The following AK8 variants were observed in gnomAD, a reference collection of about 807,000 sequenced individuals.
AK8 encodes ATP-AMP transphosphorylase 8.
In AK8, 44 loss-of-function variants were observed where a neutral mutation model predicts 54.6. The ratio of observed to expected loss-of-function variants is 0.81; its 90% CI spans 0.63 to 1.04. The LOEUF (loss-of-function observed/expected upper bound fraction) is 1.04. Ranked by LOEUF, AK8 falls within the 50% of genes least tolerant of loss-of-function variation. The pLI, the probability that AK8 is intolerant of heterozygous loss-of-function variation, is 0.00. For synonymous variants in AK8, 239 were observed against 245.6 expected (o/e 0.97, Z 0.25); for missense variants, 555 against 613.6 (o/e 0.90, Z 1.01).
At chr9:132,746,548 G>C (rs1837661653) in intron 11 of AK8, among the ~76,000 whole-genome samples, 1 of 152,208 alleles carries the variant, frequency 6.6e-6, no homozygotes, top group Admixed American at 6.5e-5. Flanking sequence ...AATTTAGTTA[G>C]CCAATACTAT....
chr9:132,745,150 T>C (rs2130991364), intron 11 of AK8, among the ~76,000 whole-genome samples: 1 of 152,336 alleles, frequency 6.6e-6, no homozygotes, highest in East Asian at 1.9e-4. Flanking sequence ...AACGAATTAA[T>C]GAGCGAGATA....
intron 11 of AK8, among the ~76,000 whole-genome samples, chr9:132,764,254 G>A (rs945984630): frequency 6.6e-6 from 1 of 152,112 alleles, no homozygotes; most frequent in Non-Finnish European, 1.5e-5. Context: ...ACGTTGCAGT[G>A]AGCTGAGATC....
intron 3 of AK8, among the ~76,000 whole-genome samples, chr9:132,866,431 A>C (rs1843600988): frequency 6.6e-6 from 1 of 152,196 alleles, no homozygotes; most frequent in Non-Finnish European, 1.5e-5. Context: ...ATTTGCATAA[A>C]ATCTGGGAGT....
At chr9:132,808,147 G>T (rs1378544122) in intron 10 of AK8, among the ~76,000 whole-genome samples, 1 of 152,108 alleles carries the variant, frequency 6.6e-6, no homozygotes, top group African/African-American at 2.4e-5. Flanking sequence ...TTTTGTACTA[G>T]TGTAAAAGTG....
At chr9:132,877,504 T>A (rs887122138) in intron 1 of AK8, among the ~76,000 whole-genome samples, 3 of 152,096 alleles carry the variant, frequency 2.0e-5, no homozygotes, top group African/African-American at 7.2e-5. Flanking sequence ...CCCCTCCAGC[T>A]CCTGAAAGCC....
At chr9:132,876,143 C>A (rs1443846562) in intron 1 of AK8, among the ~76,000 whole-genome samples, 2 of 152,036 alleles carry the variant, frequency 1.3e-5, no homozygotes, top group African/African-American at 4.8e-5. Flanking sequence ...CATGAGAAGT[C>A]TTGGTTCCAG....
intron 10 of AK8, among the ~76,000 whole-genome samples, chr9:132,796,642 A>G (rs1424616092): frequency 6.6e-6 from 1 of 152,212 alleles, no homozygotes; most frequent in African/African-American, 2.4e-5. Context: ...AAGTTAATAT[A>G]GACAGGTCGA....
chr9:132,754,344 C>T (rs1253646141), intron 11 of AK8, among the ~76,000 whole-genome samples: 1 of 152,128 alleles, frequency 6.6e-6, no homozygotes, highest in Non-Finnish European at 1.5e-5. Context: ...ATGATGGAGC[C>T]AAATCAGCAT....
Position 132,866,968 on chromosome 9 carries a change from G to A in AK8, c.170-15C>T. 6.2e-7 allele frequency: 1 copy of A among 1,613,746 alleles called. No homozygotes were observed. Among genetic ancestry groups the A allele is most frequent in the Non-Finnish European group, 8.5e-7 (1 of 1,179,742 alleles). On this transcript the variant is annotated splice_polypyrimidine_tract_variant and intron_variant, in intron 2 of 12. Transcript: ENST00000298545. ...AATCCTGGGCACTGTGGAATAAAAA[G>A]ATTTGAATGTCACCACTCAACATGA... is the stretch of plus-strand genomic sequence containing the variant.
chr9:132,840,406 T>TCACACACA lies in AK8; in HGVS notation c.403-11688_403-11681dup, dbSNP rs55856402. Reference sequence around the variant, plus strand: ...GTGGGACTCAATCCCAAGTGGACACTCACACACACACACACACACACACAC... The same window carrying TCACACACA: ...GTGGGACTCAATCCCAAGTGGACACTCACACACACACACACACACACACACACACACAC... On this transcript the variant is annotated intron_variant, in intron 5 of 12. Transcript: ENST00000298545. 2.5e-3 allele frequency among the ~76,000 whole-genome samples: 351 copies of TCACACACA among 143,134 alleles called. 4 individuals are homozygous for TCACACACA. The highest frequency in any genetic ancestry group is 0.011 in the Middle Eastern group (3 of 280). 93.9% of individuals were successfully genotyped at this position (143,134 alleles called of 152,430 possible). A position where few individuals can be genotyped will look rare whatever the true frequency, so the allele number is the denominator to read the frequency against.
intron 5 of AK8, among the ~76,000 whole-genome samples, chr9:132,834,674 C>T (rs981046903): frequency 2.0e-5 from 3 of 152,146 alleles, no homozygotes; most frequent in East Asian, 1.9e-4. Context: ...GCTCTTACAA[C>T]GCCGAAATAT....
Position 132,725,925 on chromosome 9 carries a change from C to G in AK8, c.1203G>C (p.Arg401Ser), listed in dbSNP as rs746666636. The G allele has an allele frequency of 6.2e-7, 1 of 1,609,100 alleles. No individual in the cohort carries two copies. The highest frequency in any genetic ancestry group is 8.5e-7 in the Non-Finnish European group (1 of 1,177,894). The change falls in exon 13 of 13, where the codon AGG (arginine) becomes AGC (serine). Residue 401 changes from arginine (R) to serine (S), a missense_variant and splice_region_variant. Transcript: ENST00000298545. Reference protein sequence around the residue: ...LRRIDPVTGERYHLMYKPPPT... With the variant: ...LRRIDPVTGESYHLMYKPPPT... ...GAGGTGGCTTGTACATGAGGTGGTA[C>G]CTGCAAGGGAGGAAGGAAAGCAGGT...
intron 11 of AK8, among the ~76,000 whole-genome samples, chr9:132,749,736 G>GA (rs1837818461): frequency 6.6e-6 from 1 of 150,782 alleles, no homozygotes; most frequent in African/African-American, 2.4e-5. Context: ...TTTGTTCATC[G>GA]ATAATTTTTA....
intron 4 of AK8, among the ~76,000 whole-genome samples, chr9:132,862,212 G>A (rs1361190040): frequency 6.6e-6 from 1 of 152,194 alleles, no homozygotes; most frequent in Admixed American, 6.5e-5. Flanking sequence ...GCGGCTGGGG[G>A]ACTGACTTGC....
At chr9:132,742,857 C>T (rs1837460205) in intron 11 of AK8, among the ~76,000 whole-genome samples, 1 of 152,174 alleles carries the variant, frequency 6.6e-6, no homozygotes, top group Non-Finnish European at 1.5e-5. Context: ...GCGGGGGTGT[C>T]ATTAGAACAG....
At chr9:132,852,769 C>CAAAAAAAAA (rs35786801) in intron 5 of AK8, among the ~76,000 whole-genome samples, 4 of 16,390 alleles carry the variant, frequency 2.4e-4, no homozygotes, top group African/African-American at 5.9e-4. Flanking sequence ...GATTAGGTCT[C>CAAAAAAAAA]AAAAAAAAAA....
chr9:132,767,846 A>C (rs552890437), intron 11 of AK8, among the ~76,000 whole-genome samples: 4 of 152,340 alleles, frequency 2.6e-5, no homozygotes, highest in African/African-American at 9.6e-5. Flanking sequence ...AAGTGAAATA[A>C]GCCAGGCACA....
intron 9 of AK8, among the ~76,000 whole-genome samples, chr9:132,821,684 T>C (rs1029259530): frequency 6.6e-6 from 1 of 150,834 alleles, no homozygotes; most frequent in Non-Finnish European, 1.5e-5. Context: ...CATATATTTG[T>C]ATGCATATAC....
intron 11 of AK8, among the ~76,000 whole-genome samples, chr9:132,756,718 C>T (rs1329571305): frequency 3.3e-5 from 5 of 152,106 alleles, no homozygotes; most frequent in East Asian, 1.9e-4. Flanking sequence ...CTGTAAGCAC[C>T]GAACGCACGT....
Sources: allele counts gnomAD v4.1 joint callset (sites outside exome capture counted in the v4.1 genomes callset), GRCh38; gene constraint gnomAD v4.1.1; transcripts MANE v1.5; gene names NCBI Gene and HGNC (gene_info 2026-07-23, HGNC 2026-07-21).